Variants in HLA-F observed in about 807,000 individuals in gnomAD.
HLA-F encodes major histocompatibility complex, class I, F.
HLA-F carries 46 observed loss-of-function variants against 49.5 expected under a neutral mutation model. That is an observed-to-expected ratio of 0.93 (90% CI 0.73 to 1.19). HLA-F has a LOEUF of 1.19. Among genes scored for constraint, HLA-F ranks in the 50% most tolerant of loss-of-function variants. The probability of loss-of-function intolerance (pLI) is 0.00; values close to 1 mark genes in which losing one functional copy is unlikely to be tolerated. For synonymous variants in HLA-F, 203 were observed against 233.5 expected (o/e 0.87, Z 1.19); for missense variants, 496 against 579.6 (o/e 0.86, Z 1.48).
At position 29,724,530 on chromosome 6, in the gene HLA-F, C is replaced by T; in HGVS notation, c.610+82C>T. 2.1e-6 allele frequency: 3 copies of T among 1,396,318 alleles called. No individual in the cohort carries two copies. In the South Asian group the frequency reaches 3.8e-5, roughly 18 times the overall value. 86.5% of individuals were successfully genotyped at this position (1,396,318 alleles called of 1,614,324 possible). A position where few individuals can be genotyped will look rare whatever the true frequency, so the allele number is the denominator to read the frequency against. ...GCACAAGGTTGGGAGGAAAGTGGAC[C>T]CAATGCTAGGATATCGCCCTCCCTC... On this transcript the variant is annotated intron_variant, in intron 3 of 6. Coordinates refer to ENST00000259951, the MANE Select transcript of HLA-F (RefSeq NM_001098479.2).
chr6:29,728,020 C>A (rs1473219635), downstream of HLA-F: 1 of 518,906 alleles, frequency 1.9e-6, no homozygotes, highest in African/African-American at 1.9e-5. Context: ...ATTTTCCCAC[C>A]AGAGGACATT....
intron 3 of HLA-F, among the ~76,000 whole-genome samples, chr6:29,734,203 G>C (rs890499838): frequency 1.4e-4 from 22 of 152,296 alleles, no homozygotes; most frequent in Non-Finnish European, 2.5e-4. Flanking sequence ...GAGGCAGATG[G>C]GTGAGTCAGC....
In HLA-F at chr6:29,724,405, C is replaced by T. The variant is rs138293991; in HGVS notation, c.567C>T (p.Leu189=). The change falls in exon 3 of 7, where the codon CTC becomes CTT. Residue 189 remains leucine (L), a synonymous_variant. Transcript: ENST00000259951. ...TGGAGGGCGAGTGCCTGGAGTTGCT[C>T]CGCAGATACTTGGAGAATGGGAAGG... The part of the protein sequence containing the change: ...TYLEGECLEL[L]RRYLENGKET... 1,026 of 1,613,266 alleles carry T rather than the reference C, an allele frequency of 6.4e-4. 1 individual carries two copies. The highest frequency in any genetic ancestry group is 6.9e-4 in the Non-Finnish European group (815 of 1,180,040).
chr6:29,724,145 G>A (rs1348267483), intron 2 of HLA-F, 28 bp from the exon 3 acceptor site: 1 of 1,612,408 alleles, frequency 6.2e-7, no homozygotes, highest in Admixed American at 1.7e-5. Context: ...GGGCTAGCTG[G>A]GCGGGGCTGA....
downstream of HLA-F, chr6:29,728,952 C>G (rs138992189): frequency 6.6e-6 from 1 of 152,142 alleles, no homozygotes; most frequent in African/African-American, 2.4e-5. Flanking sequence ...ACTGCTTATT[C>G]TTTGACTTTA....
intron 3 of HLA-F, among the ~76,000 whole-genome samples, chr6:29,734,367 C>T (rs1215634707): frequency 6.6e-6 from 1 of 152,210 alleles, no homozygotes; most frequent in Non-Finnish European, 1.5e-5. Flanking sequence ...CATTTCCCTC[C>T]AAATGAATCA....
intron 6 of HLA-F, 35 bp downstream of exon 6, chr6:29,726,078 G>T: frequency 6.2e-6 from 10 of 1,603,626 alleles, no homozygotes; most frequent in Non-Finnish European, 8.5e-6. Flanking sequence ...GAGATTGTTG[G>T]GATATTGTGG....
chr6:29,725,931 A>C, intron 5 of HLA-F, 80 bp from the exon 6 acceptor site: 1 of 1,472,386 alleles, frequency 6.8e-7, no homozygotes. Context: ...CTTCTCTGGG[A>C]TCAAAGACTA....
Position 29,725,429 on chromosome 6 carries a change from CTTCCCTTCCT to C in HLA-F, c.887-12_887-3del. 6.2e-7 allele frequency: 1 copy of C among 1,612,406 alleles called. No homozygotes were observed. The highest frequency in any genetic ancestry group is 1.1e-5 in the South Asian group (1 of 90,924). On this transcript the variant is annotated splice_region_variant and splice_polypyrimidine_tract_variant and intron_variant, in intron 4 of 6. Coordinates refer to ENST00000259951, the MANE Select transcript of HLA-F (RefSeq NM_001098479.2). ...AGGCCTGGAGATCAGGGCCCCTCAC[CTTCCCTTCCT>C]TTCCCAGAGCAGTCTCCCCAGCCCA...
At chr6:29,736,906 C>T (rs982271709) in intron 3 of HLA-F, 5 of 152,452 alleles carry the variant, frequency 3.3e-5, no homozygotes, top group African/African-American at 1.2e-4. Context: ...GACACAAATG[C>T]ATGCATTTCT....
intron 3 of HLA-F, among the ~76,000 whole-genome samples, chr6:29,734,429 C>G (rs2844833): frequency 0.13 from 20,309 of 152,172 alleles, 1,546 homozygotes; most frequent in Non-Finnish European, 0.17. Flanking sequence ...AGAGTTGCAC[C>G]TGAGCATTTG....
Position 29,725,499 on chromosome 6 carries a change from T to C in HLA-F, c.939T>C (p.Val313=). 1 of 1,614,192 alleles carries C rather than the reference T, an allele frequency of 6.2e-7. No homozygotes were observed. Among genetic ancestry groups the C allele is most frequent in the East Asian group, 2.2e-5 (1 of 44,878 alleles). ...TCGTGGGCATCGTTGCTGGCCTTGT[T>C]GTCCTTGGAGCTGTGGTCACTGGAG... The part of the protein sequence containing the change: ...IPIVGIVAGL[V]VLGAVVTGAV... Residue 313 remains valine (V), a synonymous_variant, in exon 5 of 7, where the codon GTT becomes GTC. Coordinates refer to ENST00000259951, the MANE Select transcript of HLA-F (RefSeq NM_001098479.2).
At chr6:29,725,586 G>A in intron 5 of HLA-F, 23 bp downstream of exon 5, 5 of 1,599,518 alleles carry the variant, frequency 3.1e-6, no homozygotes, top group Non-Finnish European at 4.3e-6. Context: ...GAGGAGTGGA[G>A]TCTGAGTTTT....
At chr6:29,727,689 T>A (rs2735060), downstream of HLA-F, among the ~76,000 whole-genome samples, 64,512 of 152,072 alleles carry the variant, frequency 0.42, 13,784 homozygotes, top group Non-Finnish European at 0.45. Flanking sequence ...CAGGACTCTT[T>A]CTGACCCCAT....
chr6:29,727,069 C>G lies in HLA-F; in HGVS notation c.1223C>G (p.Ala408Gly). The G allele has an allele frequency of 6.2e-7, 1 of 1,613,176 alleles. No homozygotes were observed. The highest frequency in any genetic ancestry group is 8.5e-7 in the Non-Finnish European group (1 of 1,180,010). The change falls in exon 7 of 7, where the codon GCC (alanine) becomes GGC (glycine). Residue 408 changes from alanine to glycine, a missense_variant. Ala to Gly is a moderately conservative substitution (Grantham distance 60). Coordinates refer to ENST00000259951, the MANE Select transcript of HLA-F (RefSeq NM_001098479.2). Reference protein sequence around the residue: ...LWTSFNTAFLALQSLRFGFGF... With the variant: ...LWTSFNTAFLGLQSLRFGFGF... ...ACATCTTTCAACACTGCCTTCTTGG[C>G]CTTGCAAAGCCTTCGCTTTGGCTTC...
Position 29,725,184 on chromosome 6 carries a change from G to A in HLA-F, c.764G>A (p.Arg255Lys), listed in dbSNP as rs1775890338. 1.2e-6 allele frequency: 2 copies of A among 1,614,022 alleles called. No individual in the cohort carries two copies. The highest frequency in any genetic ancestry group is 2.7e-5 in the African/African-American group (2 of 74,928). The part of the protein sequence containing the change: ...QTQDTELVET[R>K]PAGDGTFQKW... ...CAGGACACAGAGCTTGTGGAGACCAGGCCTGCAGGGGATGGAACCTTCCAG... is the reference window on the plus strand; with the variant it reads ...CAGGACACAGAGCTTGTGGAGACCAAGCCTGCAGGGGATGGAACCTTCCAG... Residue 255 changes from arginine (R) to lysine (K), a missense_variant, in exon 4 of 7, where the codon AGG becomes AAG. Physicochemically the swap from Arg to Lys is conservative, Grantham distance 26. Transcript: ENST00000259951.
At position 29,723,687 on chromosome 6, in the gene HLA-F, G is replaced by T. The variant is rs753017432; in HGVS notation, c.94G>T (p.Ala32Ser). The change falls in exon 2 of 7, where the codon GCT (alanine) becomes TCT (serine). Residue 32 changes from alanine to serine, a missense_variant. Physicochemically the swap from Ala to Ser is moderately conservative, Grantham distance 99. Transcript: ENST00000259951. Reference protein sequence around the residue: ...GSHSLRYFSTAVSRPGRGEPR... With the variant: ...GSHSLRYFSTSVSRPGRGEPR... ...CCACTCCTTGAGGTATTTCAGCACCGCTGTGTCGCGGCCCGGCCGCGGGGA... is the reference window on the plus strand; with the variant it reads ...CCACTCCTTGAGGTATTTCAGCACCTCTGTGTCGCGGCCCGGCCGCGGGGA... The T allele has an allele frequency of 1.2e-6, 2 of 1,610,912 alleles. No homozygotes were observed. The highest frequency in any genetic ancestry group is 2.7e-5 in the African/African-American group (2 of 74,896).
At position 29,726,709 on chromosome 6, in the gene HLA-F, T is replaced by C. The variant is rs1227157920; in HGVS notation, c.1037-174T>C. On this transcript the variant is annotated intron_variant, in intron 6 of 6. Coordinates refer to ENST00000259951, the MANE Select transcript of HLA-F (RefSeq NM_001098479.2). ...TTTGGTGGCAACAACCAAAGCATCG[T>C]AGTCAGGAGCCAGTCGAACATATGC... 4.0e-6 allele frequency: 5 copies of C among 1,264,718 alleles called. No individual in the cohort carries two copies. In the East Asian group the frequency reaches 6.9e-5, roughly 18 times the overall value. The allele number at this position is 1,264,718 out of a possible 1,614,324, so 78.3% of individuals were successfully genotyped here.
At position 29,723,470 on chromosome 6, in the gene HLA-F, C is replaced by T. The variant is rs1267365931; in HGVS notation, c.7C>T (p.Pro3Ser). The T allele has an allele frequency of 6.2e-7, 1 of 1,613,504 alleles. No individual in the cohort carries two copies. The highest frequency in any genetic ancestry group is 8.5e-7 in the Non-Finnish European group (1 of 1,179,990). ...AGACGCGGAGGTTGGGGTCATGGCG[C>T]CCCGAAGCCTCCTCCTGCTGCTCTC... Reference protein sequence around the residue: MAPRSLLLLLSGA... With the variant: MASRSLLLLLSGA... The change falls in exon 1 of 7, where the codon CCC (proline) becomes TCC (serine). Residue 3 changes from proline to serine, a missense_variant. Transcript: ENST00000259951.
Sources: allele counts gnomAD v4.1 joint callset (sites outside exome capture counted in the v4.1 genomes callset), GRCh38; gene constraint gnomAD v4.1.1; transcripts MANE v1.5; gene names NCBI Gene and HGNC (gene_info 2026-07-23, HGNC 2026-07-21).